The following GALNTL6 variants were observed in gnomAD, a reference collection of about 807,000 sequenced individuals.
The protein encoded by GALNTL6 is polypeptide N-acetylgalactosaminyltransferase like 6.
A neutral mutation model predicts 73.7 loss-of-function variants in GALNTL6; 46 were observed. That is an observed-to-expected ratio of 0.62 (90% CI 0.49 to 0.80). GALNTL6 has a LOEUF of 0.80. Among genes scored for constraint, GALNTL6 ranks in the 30% least tolerant of loss-of-function variants. The pLI is 0.00. For missense variants in GALNTL6, 604 were observed against 755.0 expected (o/e 0.80, Z 2.34); for synonymous variants, 259 against 263.7 (o/e 0.98, Z 0.17).
chr4:172,060,331 AATAT>A (rs1017432119), intron 2 of GALNTL6, among the ~76,000 whole-genome samples: 8 of 152,260 alleles, frequency 5.3e-5, no homozygotes, highest in Admixed American at 2.6e-4. Context: ...TATGCACACA[AATAT>A]ATATACATAT....
chr4:171,914,149 A>C (rs1357227933), intron 2 of GALNTL6, among the ~76,000 whole-genome samples: 1 of 152,164 alleles, frequency 6.6e-6, no homozygotes, highest in East Asian at 1.9e-4. Context: ...AAGGTCCCCC[A>C]CACATGACAT....
chr4:172,781,680 T>A (rs1025135315), intron 5 of GALNTL6, among the ~76,000 whole-genome samples: 3 of 152,032 alleles, frequency 2.0e-5, no homozygotes, highest in African/African-American at 7.2e-5. Context: ...ATTCAAAATA[T>A]TTAGAATTCT....
chr4:172,325,637 A>G (rs1318373187), intron 4 of GALNTL6, among the ~76,000 whole-genome samples: 1 of 151,980 alleles, frequency 6.6e-6, no homozygotes, highest in Admixed American at 6.6e-5. Flanking sequence ...TTAGGGGAGT[A>G]TAAAATAATC....
At chr4:172,670,010 T>C (rs540803705) in intron 5 of GALNTL6, among the ~76,000 whole-genome samples, 1 of 152,362 alleles carries the variant, frequency 6.6e-6, no homozygotes, top group Admixed American at 6.5e-5. Context: ...TCTTCTTTTG[T>C]ATTGCTGCGT....
At chr4:172,309,110 G>A (rs947530809) in intron 3 of GALNTL6, among the ~76,000 whole-genome samples, 1 of 151,902 alleles carries the variant, frequency 6.6e-6, no homozygotes, top group Non-Finnish European at 1.5e-5. Flanking sequence ...GGTTTTTTGG[G>A]GCCAAATGTC....
intron 3 of GALNTL6, among the ~76,000 whole-genome samples, chr4:172,272,446 A>G (rs967681811): frequency 2.6e-5 from 4 of 152,346 alleles, no homozygotes; most frequent in African/African-American, 9.6e-5. Context: ...TATTGCTCCT[A>G]GGTTACAAAC....
intron 2 of GALNTL6, among the ~76,000 whole-genome samples, chr4:171,852,358 G>A (rs1022153976): frequency 1.3e-5 from 2 of 152,192 alleles, no homozygotes; most frequent in African/African-American, 4.8e-5. Flanking sequence ...GGAAGAAAAT[G>A]TGTGGGGTGG....
chr4:172,765,736 C>G lies in GALNTL6; in HGVS notation c.554-43625C>G, dbSNP rs979459630. On this transcript the variant is annotated intron_variant, in intron 5 of 12. Coordinates refer to ENST00000506823, the MANE Select transcript of GALNTL6 (RefSeq NM_001034845.3). ...CTGCTAAATCTATTTCCTCTTCAGT[C>G]GTCTCCCACACAGCTCAGATGAGAA... Among the ~76,000 whole-genome samples the G allele has an allele frequency of 2.0e-5, 3 of 152,096 alleles. No homozygotes were observed. In the South Asian group the frequency reaches 6.2e-4, roughly 32 times the overall value.
At chr4:171,845,445 T>G (rs1735344165) in intron 2 of GALNTL6, among the ~76,000 whole-genome samples, 1 of 152,210 alleles carries the variant, frequency 6.6e-6, no homozygotes, top group Non-Finnish European at 1.5e-5. Context: ...GATATATGCT[T>G]CCTTTTCTAT....
At chr4:172,073,646 A>G (rs930925060) in intron 2 of GALNTL6, among the ~76,000 whole-genome samples, 1 of 152,216 alleles carries the variant, frequency 6.6e-6, no homozygotes, top group African/African-American at 2.4e-5. Flanking sequence ...TGATTCTCCC[A>G]TTGACTAGAT....
intron 2 of GALNTL6, 179 bp downstream of exon 2, chr4:171,814,897 C>G: frequency 1.6e-6 from 1 of 612,344 alleles, no homozygotes; most frequent in East Asian, 2.7e-5. Flanking sequence ...AAGATTGCAG[C>G]CAGTAACATC....
At chr4:172,711,385 C>T (rs1475349900) in intron 5 of GALNTL6, among the ~76,000 whole-genome samples, 1 of 152,114 alleles carries the variant, frequency 6.6e-6, no homozygotes, top group East Asian at 1.9e-4. Flanking sequence ...TGGAGTCCTG[C>T]AGCCCTTTGA....
intron 10 of GALNTL6, among the ~76,000 whole-genome samples, chr4:172,979,561 C>T (rs1255983291): frequency 2.0e-5 from 3 of 152,202 alleles, no homozygotes. Flanking sequence ...TTTTCAAATA[C>T]TATTTCCTCT....
At chr4:172,652,980 C>T (rs1740545965) in intron 5 of GALNTL6, among the ~76,000 whole-genome samples, 1 of 152,080 alleles carries the variant, frequency 6.6e-6, no homozygotes, top group Admixed American at 6.6e-5. Flanking sequence ...CAAGTTCTAT[C>T]CTGATTCAGT....
intron 2 of GALNTL6, among the ~76,000 whole-genome samples, chr4:171,872,824 T>C (rs1281379387): frequency 1.3e-5 from 2 of 152,174 alleles, no homozygotes; most frequent in African/African-American, 4.8e-5. Context: ...CCAAATAAGG[T>C]CACATTCTGA....
At chr4:172,600,802 G>A (rs1738026444) in intron 5 of GALNTL6, among the ~76,000 whole-genome samples, 1 of 152,000 alleles carries the variant, frequency 6.6e-6, no homozygotes, top group Admixed American at 6.6e-5. Flanking sequence ...GCCTGGAAAG[G>A]TCAAGATGAT....
chr4:172,920,661 AAAT>A (rs1364895503), intron 8 of GALNTL6, among the ~76,000 whole-genome samples: 2 of 152,216 alleles, frequency 1.3e-5, no homozygotes, highest in South Asian at 4.1e-4. Context: ...TAGTGAATGA[AAAT>A]AAGCTCAAAA....
chr4:173,036,502 C>T (rs1465880651), intron 12 of GALNTL6, among the ~76,000 whole-genome samples: 2 of 152,142 alleles, frequency 1.3e-5, no homozygotes, highest in Non-Finnish European at 2.9e-5. Context: ...GTGGACCGAT[C>T]GACTGGCATT....
chr4:172,096,853 C>T (rs994550712), intron 2 of GALNTL6, among the ~76,000 whole-genome samples: 1 of 152,176 alleles, frequency 6.6e-6, no homozygotes, highest in South Asian at 2.1e-4. Flanking sequence ...AAGGATCACA[C>T]GCTGGGAACC....
Sources: allele counts gnomAD v4.1 joint callset (sites outside exome capture counted in the v4.1 genomes callset), GRCh38; gene constraint gnomAD v4.1.1; transcripts MANE v1.5; gene names NCBI Gene and HGNC (gene_info 2026-07-23, HGNC 2026-07-21).